Variants in SLC20A1 observed in about 807,000 individuals in gnomAD.
SLC20A1 encodes sodium-dependent phosphate transporter 1.
Under a neutral mutation model 62.7 loss-of-function variants are expected in SLC20A1, and 28 were observed. The ratio of observed to expected loss-of-function variants is 0.45; its 90% CI spans 0.33 to 0.61. The LOEUF is 0.61. Among genes scored for constraint, SLC20A1 ranks in the 20% least tolerant of loss-of-function variants. SLC20A1 has a pLI of 0.02. For synonymous variants in SLC20A1, 305 were observed against 302.9 expected (o/e 1.01, Z -0.07); for missense variants, 673 against 838.6 (o/e 0.80, Z 2.44).
At chr2:112,654,173 CTAAT>C (rs1201908272) in intron 5 of SLC20A1, among the ~76,000 whole-genome samples, 15 of 152,182 alleles carry the variant, frequency 9.9e-5, no homozygotes, top group Admixed American at 5.2e-4. Context: ...TTTAATCTTG[CTAAT>C]TAATTCTTGG....
At position 112,647,314 on chromosome 2, in the gene SLC20A1, T is replaced by C; in HGVS notation, c.335-10T>C. 1 of 1,609,808 alleles carries C rather than the reference T, an allele frequency of 6.2e-7. No homozygotes were observed. Among genetic ancestry groups the C allele is most frequent in the Non-Finnish European group, 8.5e-7 (1 of 1,178,330 alleles). ...TGATATTTACTTAATAAAACTTTACTATGTTTCAGGTTCTGCTGTGTGGCA... is the reference window on the plus strand; with the variant it reads ...TGATATTTACTTAATAAAACTTTACCATGTTTCAGGTTCTGCTGTGTGGCA... On this transcript the variant is annotated splice_polypyrimidine_tract_variant and intron_variant, in intron 2 of 10. Transcript: ENST00000272542.
intron 4 of SLC20A1, among the ~76,000 whole-genome samples, chr2:112,649,538 ATCTT>A (rs1686377464): frequency 6.6e-6 from 1 of 152,232 alleles, no homozygotes; most frequent in South Asian, 2.1e-4. Flanking sequence ...TTAAATGTCT[ATCTT>A]GAAAATTAAG....
intron 4 of SLC20A1, among the ~76,000 whole-genome samples, chr2:112,648,079 C>T (rs1338496608): frequency 6.7e-6 from 1 of 148,982 alleles, no homozygotes; most frequent in Non-Finnish European, 1.5e-5. Flanking sequence ...TAATATAATA[C>T]GTAAACTTGG....
Position 112,646,687 on chromosome 2 carries a change from C to T in SLC20A1, c.-142C>T, listed in dbSNP as rs1686287953. ...AGCGTATAGCAGTAACTCCCCAGCT[C>T]GGTTTCTGTGCCGTAGTTTACAGTA... On this transcript the variant is annotated 5_prime_UTR_variant, in exon 2 of 11. Transcript: ENST00000272542. 3.0e-6 allele frequency: 1 copy of T among 328,418 alleles called. No individual in the cohort carries two copies. The allele number at this position is 328,418 out of a possible 1,614,324, so 20.3% of individuals were successfully genotyped here.
At position 112,663,381 on chromosome 2, in the gene SLC20A1, A is replaced by C. The variant is rs2104653092; in HGVS notation, c.*356A>C. 1 of 353,436 alleles carries C rather than the reference A, an allele frequency of 2.8e-6. No individual in the cohort carries two copies. Among genetic ancestry groups the C allele is most frequent in the Non-Finnish European group, 5.5e-6 (1 of 183,276 alleles). The allele number at this position is 353,436 out of a possible 1,614,324, so 21.9% of individuals were successfully genotyped here. On this transcript the variant is annotated 3_prime_UTR_variant, in exon 11 of 11. Transcript: ENST00000272542. ...TTTTTTTTCTTTTTTTTAAACCATG[A>C]AGAGCCGTTTGACAGAGCATGCTCT...
At position 112,663,352 on chromosome 2, in the gene SLC20A1, T is replaced by C; in HGVS notation, c.*327T>C. 2.7e-6 allele frequency: 1 copy of C among 368,824 alleles called. No individual in the cohort carries two copies. The highest frequency in any genetic ancestry group is 5.3e-6 in the Non-Finnish European group (1 of 189,638). 22.8% of individuals were successfully genotyped at this position (368,824 alleles called of 1,614,324 possible). A position where few individuals can be genotyped will look rare whatever the true frequency, so the allele number is the denominator to read the frequency against. ...TAATGTTGTCTCTGAAGATGACTTG[T>C]GATTTTTTTTTCTTTTTTTTAAACC... is the stretch of plus-strand genomic sequence containing the variant. On this transcript the variant is annotated 3_prime_UTR_variant, in exon 11 of 11. Transcript: ENST00000272542.
chr2:112,659,196 T>C lies in SLC20A1; in HGVS notation c.1049-8T>C. On this transcript the variant is annotated splice_polypyrimidine_tract_variant and splice_region_variant and intron_variant, in intron 7 of 10. Coordinates refer to ENST00000272542, the MANE Select transcript of SLC20A1 (RefSeq NM_005415.5). ...TGTATTGAATGTCACCTTGGTGATC[T>C]TGACTAGGTGCAGTGCAGTTGCCTA... 6.2e-7 allele frequency: 1 copy of C among 1,608,264 alleles called. No homozygotes were observed. The highest frequency in any genetic ancestry group is 8.5e-7 in the Non-Finnish European group (1 of 1,175,480).
chr2:112,653,028 G>A, intron 5 of SLC20A1: 1 of 1,001,168 alleles, frequency 1.0e-6, no homozygotes, highest in South Asian at 1.4e-5. Context: ...TTCCTCTTTA[G>A]TCTTCACAGG....
chr2:112,660,163 G>A (rs1686708101), intron 8 of SLC20A1, among the ~76,000 whole-genome samples: 1 of 152,208 alleles, frequency 6.6e-6, no homozygotes, highest in South Asian at 2.1e-4. Flanking sequence ...GCCTATAGGA[G>A]GAAAGAGGCC....
At chr2:112,654,611 T>C (rs577532909) in intron 5 of SLC20A1, among the ~76,000 whole-genome samples, 2 of 152,188 alleles carry the variant, frequency 1.3e-5, no homozygotes, top group African/African-American at 4.8e-5. Context: ...GAATTGTAGT[T>C]TGGGGCCGGG....
At position 112,657,249 on chromosome 2, in the gene SLC20A1, ATAAC is replaced by A. The variant is rs1044297064; in HGVS notation, c.778+12_778+15del. ...TGAAGAGAAAAATTGAACGTAAGTA[ATAAC>A]TAAACAGCAGAAAAGTTTAACTACT... On this transcript the variant is annotated intron_variant, in intron 6 of 10. Transcript: ENST00000272542. 6.2e-7 allele frequency: 1 copy of A among 1,611,086 alleles called. No individual in the cohort carries two copies. Among genetic ancestry groups the A allele is most frequent in the African/African-American group, 1.3e-5 (1 of 74,810 alleles).
rs1163282318 is a variant in SLC20A1, at chr2:112,659,634, A to C, written c.1479A>C (p.Arg493Ser). The C allele has an allele frequency of 1.9e-6, 3 of 1,614,230 alleles. No individual in the cohort carries two copies. Among genetic ancestry groups the C allele is most frequent in the Non-Finnish European group, 2.5e-6 (3 of 1,180,034 alleles). ...SVKAEMGLGD[R>S]KGSNGSLEEW... ...AGGCAGAGATGGGTCTAGGTGACAG[A>C]AAAGGAAGTAATGGCTCTCTAGAAG... The change falls in exon 8 of 11, where the codon AGA (arginine) becomes AGC (serine). Residue 493 changes from arginine to serine, a missense_variant. Coordinates refer to ENST00000272542, the MANE Select transcript of SLC20A1 (RefSeq NM_005415.5).
chr2:112,655,726 G>A (rs1420797364), intron 5 of SLC20A1, among the ~76,000 whole-genome samples: 4 of 152,008 alleles, frequency 2.6e-5, no homozygotes, highest in Admixed American at 6.6e-5. Flanking sequence ...ACGGAGTTTC[G>A]CTCTTGTCAC....
intron 4 of SLC20A1, among the ~76,000 whole-genome samples, chr2:112,649,729 T>C (rs1686385399): frequency 6.6e-6 from 1 of 152,220 alleles, no homozygotes; most frequent in African/African-American, 2.4e-5. Context: ...CTGTTGAGTA[T>C]TTTTAAATTC....
In SLC20A1 at chr2:112,651,765, G is replaced by A. The variant is rs147891491; in HGVS notation, c.562-937G>A. Among the ~76,000 whole-genome samples, 8 of 152,228 alleles carry A rather than the reference G, an allele frequency of 5.3e-5. No homozygotes were observed. In the East Asian group the frequency reaches 1.5e-3, roughly 29 times the overall value. ...CTCCTATAGAATTAATACATACTAG[G>A]TATGGTAGAATTCTTATTTTTAGTC... On this transcript the variant is annotated intron_variant, in intron 4 of 10. Coordinates refer to ENST00000272542, the MANE Select transcript of SLC20A1 (RefSeq NM_005415.5).
At chr2:112,650,871 C>G (rs1023237056) in intron 4 of SLC20A1, among the ~76,000 whole-genome samples, 2 of 152,156 alleles carry the variant, frequency 1.3e-5, no homozygotes, top group Non-Finnish European at 2.9e-5. Context: ...CATCCCCTGC[C>G]TCATCCTCCC....
chr2:112,647,194 G>A (rs772102210), intron 2 of SLC20A1, 32 bp downstream of exon 2: 1 of 1,597,352 alleles, frequency 6.3e-7, no homozygotes. Context: ...TCCTCTTCGT[G>A]GTGGGTGAGC....
chr2:112,652,936 C>T (rs1221849958), intron 5 of SLC20A1, 138 bp downstream of exon 5: 2 of 1,578,670 alleles, frequency 1.3e-6, no homozygotes, highest in Admixed American at 3.7e-5. Flanking sequence ...TTTCAGAAGG[C>T]TGCAGGCTAG....
chr2:112,661,436 G>A (rs1217276874), intron 10 of SLC20A1, among the ~76,000 whole-genome samples: 1 of 152,100 alleles, frequency 6.6e-6, no homozygotes, highest in Non-Finnish European at 1.5e-5. Flanking sequence ...ACAGCTTACT[G>A]TAGTTTCTGG....
Sources: gnomAD v4.1 joint callset for allele counts (sites outside exome capture counted in the v4.1 genomes callset) on GRCh38, gnomAD v4.1.1 for gene constraint, MANE v1.5 for transcripts, NCBI Gene and HGNC (gene_info 2026-07-23, HGNC 2026-07-21) for gene names.